PIK3R4: variants seen among roughly 807,000 people sequenced by gnomAD.
PIK3R4 encodes the protein phosphoinositide 3-kinase regulatory subunit 4.
In PIK3R4, 46 loss-of-function variants were observed where a neutral mutation model predicts 136.5. That is an observed-to-expected ratio of 0.34 (90% CI 0.27 to 0.43). PIK3R4 has a LOEUF of 0.43. Ranked by LOEUF, PIK3R4 falls within the 20% of genes least tolerant of loss-of-function variation. The probability of loss-of-function intolerance (pLI) is 1.00; values close to 1 mark genes in which losing one functional copy is unlikely to be tolerated. For synonymous variants in PIK3R4, 557 were observed against 566.7 expected (o/e 0.98, Z 0.24); for missense variants, 1,331 against 1,649.5 (o/e 0.81, Z 3.35).
intron 5 of PIK3R4, 80 bp from the exon 6 acceptor site, chr3:130,728,764 G>C: frequency 1.1e-6 from 1 of 935,406 alleles, no homozygotes; most frequent in East Asian, 2.7e-5. Context: ...CATACAGATA[G>C]TCCCAGTCTT....
chr3:130,733,814 T>G lies in PIK3R4; in HGVS notation c.1184A>C (p.Lys395Thr). The change falls in exon 4 of 20, where the codon AAA becomes ACA. Residue 395 changes from lysine (K) to threonine (T), a missense_variant. Coordinates refer to ENST00000356763, the MANE Select transcript of PIK3R4 (RefSeq NM_014602.3). Reference sequence around the variant, plus strand: ...AAGAATCAGTTCCAAAGCAGCTAGTTTGGAATCACAGTATTTAAGGGTCTG... The same window carrying G: ...AAGAATCAGTTCCAAAGCAGCTAGTGTGGAATCACAGTATTTAAGGGTCTG... ...CLQTLKYCDS[K>T]LAALELILHL... 1.2e-6 allele frequency: 2 copies of G among 1,614,172 alleles called. No homozygotes were observed. The highest frequency in any genetic ancestry group is 2.2e-5 in the South Asian group (2 of 91,074).
intron 6 of PIK3R4, among the ~76,000 whole-genome samples, chr3:130,727,316 G>T (rs576045581): frequency 1.1e-4 from 17 of 150,400 alleles, no homozygotes; most frequent in African/African-American, 3.7e-4. Flanking sequence ...CGCCTCCTGG[G>T]TTCACGCCAT....
chr3:130,746,124 T>C (rs1376910849), intron 1 of PIK3R4, among the ~76,000 whole-genome samples, 194 bp downstream of exon 1: 2 of 152,046 alleles, frequency 1.3e-5, no homozygotes, highest in African/African-American at 2.4e-5. Context: ...AATTCCAGTG[T>C]GCCCTCTCAC....
intron 2 of PIK3R4, among the ~76,000 whole-genome samples, chr3:130,737,306 G>A (rs1198549622): frequency 6.6e-6 from 1 of 151,988 alleles, no homozygotes; most frequent in African/African-American, 2.4e-5. Context: ...CAACTTCCAG[G>A]TTATATTTTA....
At position 130,703,793 on chromosome 3, in the gene PIK3R4, T is replaced by C. The variant is rs2066592442; in HGVS notation, c.3028A>G (p.Thr1010Ala). ...RVSDEHSLFA[T>A]CSNDGTVKIW... ...TTCACTGTGCCATCATTTGAACATG[T>C]TGCAAAAAGTGAGTGTTCATCAGAG... Residue 1010 changes from threonine (T) to alanine (A), a missense_variant, in exon 13 of 20, where the codon ACA becomes GCA. Around this residue, in one of 2 missense-constraint regions of PIK3R4, gnomAD observed 1,180 missense variants for 1,407.0 expected, o/e 0.84. Transcript: ENST00000356763. The C allele has an allele frequency of 6.2e-7, 1 of 1,613,306 alleles. No homozygotes were observed. The highest frequency in any genetic ancestry group is 2.2e-5 in the East Asian group (1 of 44,864).
At chr3:130,695,596 T>G (rs1241004239) in intron 13 of PIK3R4, among the ~76,000 whole-genome samples, 3 of 152,166 alleles carry the variant, frequency 2.0e-5, no homozygotes, top group Non-Finnish European at 4.4e-5. Context: ...GTCCCAGTTA[T>G]GAGATTGATA....
rs758176708 is a variant in PIK3R4 at position 130,679,377 on chromosome 3, G to C, written c.4015C>G (p.Gln1339Glu). ...HDIITDVATF[Q>E]TTQGFIVTAS... ...GTTACGATGAAGCCCTGTGTGGTCT[G>C]GAATGTGGCGACATCAGTGATGATG... The change falls in exon 20 of 20, where the codon CAG (glutamine) becomes GAG (glutamate). Residue 1339 changes from glutamine to glutamate, a missense_variant. Gln to Glu is a conservative substitution (Grantham distance 29). This residue lies in a region of PIK3R4 where 1,180 missense variants were observed against 1,407.0 expected (regional missense o/e 0.84). Transcript: ENST00000356763. 6.2e-7 allele frequency: 1 copy of C among 1,613,262 alleles called. No individual in the cohort carries two copies. Among genetic ancestry groups the C allele is most frequent in the African/African-American group, 1.3e-5 (1 of 74,910 alleles).
At chr3:130,721,961 C>A (rs1261066509) in intron 7 of PIK3R4, among the ~76,000 whole-genome samples, 1 of 151,844 alleles carries the variant, frequency 6.6e-6, no homozygotes, top group Non-Finnish European at 1.5e-5. Context: ...AATTACTTCA[C>A]AAAGTATATA....
In PIK3R4 at chr3:130,718,619, A is replaced by G; in HGVS notation, c.1982-85T>C. The G allele has an allele frequency of 2.2e-6, 3 of 1,352,500 alleles. No individual in the cohort carries two copies. The South Asian group carries it at 3.9e-5, about 17-fold the overall frequency. 83.8% of individuals were successfully genotyped at this position (1,352,500 alleles called of 1,614,324 possible). On this transcript the variant is annotated intron_variant, in intron 7 of 19. Transcript: ENST00000356763. The stretch of plus-strand genomic sequence containing the variant: ...AAATTTTTACCTTATAACGTAACTG[A>G]CAAAAGGATTTTGCCACAGTGTTAC...
chr3:130,679,626 G>C (rs573655429), intron 19 of PIK3R4, 141 bp from the exon 20 acceptor site: 45 of 547,812 alleles, frequency 8.2e-5, no homozygotes, highest in Middle Eastern at 4.6e-4. Context: ...CGAATACATT[G>C]AGCAAAAGGA....
At chr3:130,680,844 A>G in intron 18 of PIK3R4, 123 bp from the exon 19 acceptor site, 3 of 764,334 alleles carry the variant, frequency 3.9e-6, no homozygotes, top group Non-Finnish European at 6.5e-6. Context: ...TTCATAGAAC[A>G]GCATACCATT....
intron 14 of PIK3R4, among the ~76,000 whole-genome samples, chr3:130,689,968 T>G (rs2066507737): frequency 6.6e-6 from 1 of 152,222 alleles, no homozygotes; most frequent in Non-Finnish European, 1.5e-5. Context: ...ATAAACATTC[T>G]TAAATAAAAC....
chr3:130,746,254 G>A (rs1002081624), intron 1 of PIK3R4, 64 bp downstream of exon 1: 7 of 152,188 alleles, frequency 4.6e-5, no homozygotes, highest in African/African-American at 1.7e-4. Flanking sequence ...TGCTAACTCA[G>A]GTTTTGCAGG....
rs147065831 is a variant in PIK3R4 at position 130,718,534 on chromosome 3, G to T, written c.1982C>A (p.Ala661Asp). 1.8e-4 allele frequency: 296 copies of T among 1,613,664 alleles called. 3 individuals are homozygous for T. In the East Asian group the frequency reaches 6.6e-3, roughly 36 times the overall value. Residue 661 changes from alanine to aspartate, a missense_variant and splice_region_variant, in exon 8 of 20, where the codon GCC (alanine) becomes GAC (aspartate). Transcript: ENST00000356763. ...TAAATTGGGATGACACAGGAAGGGGGCTAAAGAGGAAAAGAAAAGGTAGGG... is the reference window on the plus strand; with the variant it reads ...TAAATTGGGATGACACAGGAAGGGGTCTAAAGAGGAAAAGAAAAGGTAGGG... ...PHVYEFASDI[A>D]PFLCHPNLWI...
chr3:130,680,939 A>AAAAGT, intron 18 of PIK3R4, 38 bp downstream of exon 18: 2 of 1,044,262 alleles, frequency 1.9e-6, no homozygotes, highest in South Asian at 1.5e-5. Flanking sequence ...AACAGCTTGT[A>AAAAGT]AAAGTATCCA....
At chr3:130,725,803 T>C (rs1230957191) in intron 6 of PIK3R4, 1 of 151,998 alleles carries the variant, frequency 6.6e-6, no homozygotes, top group South Asian at 2.1e-4. Context: ...TTAAAATTCA[T>C]AGAATTAGAA....
At chr3:130,743,432 A>T (rs1369811853) in intron 2 of PIK3R4, among the ~76,000 whole-genome samples, 2 of 152,156 alleles carry the variant, frequency 1.3e-5, no homozygotes. Context: ...ATAATAAATT[A>T]AAAATAAATA....
At chr3:130,680,797 T>A (rs1180040669) in intron 18 of PIK3R4, 76 bp from the exon 19 acceptor site, 2 of 935,898 alleles carry the variant, frequency 2.1e-6, no homozygotes, top group African/African-American at 3.3e-5. Flanking sequence ...CTTATCTTCA[T>A]CAATGCATTT....
chr3:130,710,357 G>A (rs749871971), intron 9 of PIK3R4, among the ~76,000 whole-genome samples: 30 of 151,940 alleles, frequency 2.0e-4, no homozygotes, highest in South Asian at 1.2e-3. Context: ...TAATAATCTC[G>A]ATAAAAGACA....
Sources: gnomAD v4.1 joint callset for allele counts (sites outside exome capture counted in the v4.1 genomes callset) on GRCh38, gnomAD v4.1.1 for gene constraint, gnomAD v4.1.1 regional missense constraint, MANE v1.5 for transcripts, NCBI Gene and HGNC (gene_info 2026-07-23, HGNC 2026-07-21) for gene names.